Variants in SYNE1 observed in about 807,000 individuals in gnomAD.
The protein encoded by SYNE1 is spectrin repeat containing nuclear envelope protein 1.
SYNE1 carries 616 observed loss-of-function variants against 1,111.0 expected under a neutral mutation model. That is an observed-to-expected ratio of 0.55 (90% confidence interval 0.52 to 0.59). SYNE1 has a LOEUF of 0.59. Ranked by LOEUF, SYNE1 falls within the 20% of genes least tolerant of loss-of-function variation. The pLI is 0.00. For missense variants in SYNE1, 10,006 were observed against 10,417.0 expected (o/e 0.96, Z 1.72); for synonymous variants, 3,855 against 3,825.8 (o/e 1.01, Z -0.28).
At chr6:152,165,862 T>G (rs1372433962) in intron 130 of SYNE1, among the ~76,000 whole-genome samples, 1 of 152,218 alleles carries the variant, frequency 6.6e-6, no homozygotes, top group East Asian at 1.9e-4. Context: ...ACAAAGCTCA[T>G]GGAGTGCATT....
intron 11 of SYNE1, among the ~76,000 whole-genome samples, chr6:152,493,036 C>T (rs1173861499): frequency 6.6e-6 from 1 of 152,122 alleles, no homozygotes; most frequent in Admixed American, 6.5e-5. Context: ...CATCTCATTG[C>T]TACCCTTTCC....
chr6:152,557,459 A>G (rs1243913010), intron 3 of SYNE1, among the ~76,000 whole-genome samples: 1 of 152,194 alleles, frequency 6.6e-6, no homozygotes, highest in African/African-American at 2.4e-5. Context: ...ATTAATATCC[A>G]TGAATACCAA....
rs148604563 is a variant in SYNE1, at chr6:152,221,656, A to G, written c.21523-97T>C. 1,521 of 1,477,162 alleles carry G rather than the reference A, an allele frequency of 1.0e-3. 18 individuals are homozygous for G. In the East Asian group the frequency reaches 0.027, roughly 26 times the overall value. 91.5% of individuals were successfully genotyped at this position (1,477,162 alleles called of 1,614,324 possible). A position where few individuals can be genotyped will look rare whatever the true frequency, so the allele number is the denominator to read the frequency against. ...TGTATATGTTTTCATAAATATGTAC[A>G]TATACTTGTATAAACCAGGCATGAC... On this transcript the variant is annotated intron_variant, in intron 117 of 145. Coordinates refer to ENST00000367255, the MANE Select transcript of SYNE1 (RefSeq NM_182961.4).
At position 152,615,958 on chromosome 6, in the gene SYNE1, AT is replaced by A. The variant is rs1362824418; in HGVS notation, c.67+12306del. Among the ~76,000 whole-genome samples, 18 of 152,354 alleles carry A rather than the reference AT, an allele frequency of 1.2e-4. 2 individuals are homozygous for A. Among genetic ancestry groups the A allele is most frequent in the Admixed American group, 1.0e-3 (16 of 15,296 alleles). ...ATGCCATGTATCACATTTCCTACTA[AT>A]TGTTGGAACAGAGAAATTAAAGACA... On this transcript the variant is annotated intron_variant, in intron 3 of 145. Transcript: ENST00000367255.
In SYNE1 at chr6:152,404,325, G is replaced by A; in HGVS notation, c.6724-11C>T. 6.3e-7 allele frequency: 1 copy of A among 1,590,954 alleles called. No individual in the cohort carries two copies. Among genetic ancestry groups the A allele is most frequent in the East Asian group, 2.3e-5 (1 of 44,306 alleles). ...GTTTTTAACTTCAGACTGCCAAAAG[G>A]GAAGAAACATAACTAATCAAAAACA... is the stretch of plus-strand genomic sequence containing the variant. On this transcript the variant is annotated splice_polypyrimidine_tract_variant and intron_variant, in intron 45 of 145. Transcript: ENST00000367255.
chr6:152,268,024 T>C, intron 100 of SYNE1, 32 bp downstream of exon 100: 2 of 1,556,082 alleles, frequency 1.3e-6, no homozygotes, highest in South Asian at 1.1e-5. Flanking sequence ...GGAAACACAA[T>C]GAAGAGAAAA....
chr6:152,129,705 T>C (rs2054837112), intron 145 of SYNE1: 1 of 151,654 alleles, frequency 6.6e-6, no homozygotes. Context: ...CCAAATGAAA[T>C]AGCCAGTCCC....
chr6:152,234,294 TTTTC>T (rs2083463931), intron 111 of SYNE1, among the ~76,000 whole-genome samples: 1 of 99,336 alleles, frequency 1.0e-5, no homozygotes, highest in Non-Finnish European at 1.9e-5. Context: ...CTTTCTTTTC[TTTTC>T]TTTTTTTCTT....
At chr6:152,206,030 A>C (rs1471141558) in intron 126 of SYNE1, 138 bp downstream of exon 126, 1 of 992,576 alleles carries the variant, frequency 1.0e-6, no homozygotes, top group African/African-American at 1.6e-5. Flanking sequence ...AAAGTCTTAA[A>C]TAAAACACAG....
At chr6:152,125,290 A>G (rs755516759) in intron 145 of SYNE1, 15 of 1,550,380 alleles carry the variant, frequency 9.7e-6, no homozygotes, top group African/African-American at 5.5e-5. Context: ...GAAGCAAAGA[A>G]GAGAATCCTG....
intron 127 of SYNE1, among the ~76,000 whole-genome samples, chr6:152,201,554 T>C (rs2075441565): frequency 6.6e-6 from 1 of 152,114 alleles, no homozygotes; most frequent in Non-Finnish European, 1.5e-5. Context: ...AAAAAATGAC[T>C]TTATTGCTCT....
At chr6:152,539,868 C>T (rs1454110392) in intron 4 of SYNE1, 92 bp downstream of exon 4, 13 of 1,350,710 alleles carry the variant, frequency 9.6e-6, no homozygotes, top group Non-Finnish European at 1.4e-5. Flanking sequence ...GCAACAGTGA[C>T]AACAGGGACA....
rs139291592 is a variant in SYNE1 at position 152,511,020 on chromosome 6, T to G, written c.393A>C (p.Leu131=). The G allele has an allele frequency of 2.2e-5, 35 of 1,613,888 alleles. No homozygotes were observed. Among genetic ancestry groups the G allele is most frequent in the Admixed American group, 1.3e-4 (8 of 60,016 alleles). Reference sequence around the variant, plus strand: ...AACTGTAGCACAATACCTGGAAATATAGAATAATGGTCCACATCAATCCAA... The same window carrying G: ...AACTGTAGCACAATACCTGGAAATAGAGAATAATGGTCCACATCAATCCAA... ...IVLGLMWTII[L]YFQIEELTSN... is the part of the protein sequence containing the mutation. The change falls in exon 7 of 146, where the codon CTA becomes CTC. Residue 131 remains leucine (L), a synonymous_variant. Coordinates refer to ENST00000367255, the MANE Select transcript of SYNE1 (RefSeq NM_182961.4).
chr6:152,363,226 G>A (rs1212925198), intron 63 of SYNE1, among the ~76,000 whole-genome samples: 2 of 145,928 alleles, frequency 1.4e-5, no homozygotes, highest in African/African-American at 2.5e-5. Flanking sequence ...CGGGCGCGGT[G>A]ACTCACGCCT....
At chr6:152,332,884 TGAG>T (rs1356088062) in intron 77 of SYNE1, among the ~76,000 whole-genome samples, 1 of 152,202 alleles carries the variant, frequency 6.6e-6, no homozygotes, top group Middle Eastern at 3.2e-3. Context: ...GGAGGCAGTA[TGAG>T]GAGTTCTGTT....
intron 3 of SYNE1, among the ~76,000 whole-genome samples, chr6:152,543,880 T>C (rs1456502783): frequency 2.0e-5 from 3 of 152,170 alleles, no homozygotes; most frequent in East Asian, 1.9e-4. Flanking sequence ...ATAGGCTATA[T>C]CATGTAGCCT....
chr6:152,584,520 T>G (rs1324654797), intron 3 of SYNE1, among the ~76,000 whole-genome samples: 1 of 152,130 alleles, frequency 6.6e-6, no homozygotes, highest in African/African-American at 2.4e-5. Flanking sequence ...CAGACCTCAC[T>G]GGGACCACAG....
chr6:152,402,018 G>A lies in SYNE1; in HGVS notation c.6826-677C>T, dbSNP rs192333647. On this transcript the variant is annotated intron_variant, in intron 46 of 145. Transcript: ENST00000367255. ...CCCACCTCAGATCTGCTGGGAGCAG[G>A]AGACCAACAGTGTGGAAGGGAGTAA... Among the ~76,000 whole-genome samples, 17 of 152,316 alleles carry A rather than the reference G, an allele frequency of 1.1e-4. No individual in the cohort carries two copies. The East Asian group carries it at 3.3e-3, about 29-fold the overall frequency.
At chr6:152,162,362 C>A (rs937136886) in intron 131 of SYNE1, among the ~76,000 whole-genome samples, 1 of 152,124 alleles carries the variant, frequency 6.6e-6, no homozygotes, top group Non-Finnish European at 1.5e-5. Context: ...GTTCTCTTTG[C>A]CATTGTGGTT....
Sources: allele counts gnomAD v4.1 joint callset (sites outside exome capture counted in the v4.1 genomes callset), GRCh38; gene constraint gnomAD v4.1.1; transcripts MANE v1.5; gene names NCBI Gene and HGNC (gene_info 2026-07-23, HGNC 2026-07-21).